GALNT14: variants seen among roughly 807,000 people sequenced by gnomAD.
GALNT14 encodes the protein polypeptide N-acetylgalactosaminyltransferase 14.
Under a neutral mutation model 77.5 loss-of-function variants are expected in GALNT14, and 60 were observed. That is an observed-to-expected ratio of 0.77 (90% CI 0.63 to 0.96). The LOEUF (loss-of-function observed/expected upper bound fraction) is 0.96, where lower values mean the gene tolerates loss of function less well. GALNT14 is among the 40% of genes least tolerant of loss of function. The pLI is 0.00. For missense variants in GALNT14, 710 were observed against 731.0 expected, an observed-to-expected ratio of 0.97 and a Z score of 0.33; for synonymous variants, 280 against 281.7, an observed-to-expected ratio of 0.99 and a Z score of 0.06.
the GALNT14 span, among the ~76,000 whole-genome samples, chr2:30,901,681 GTA>G: frequency 1.3e-5 from 2 of 151,744 alleles, no homozygotes; most frequent in Non-Finnish European, 2.9e-5. Context: ...ATATATGTGT[GTA>G]TATATATGTG....
intron 1 of GALNT14, among the ~76,000 whole-genome samples, chr2:31,013,755 TG>T (rs1671179509): frequency 1.3e-5 from 2 of 152,220 alleles, no homozygotes; most frequent in Admixed American, 1.3e-4. Flanking sequence ...ATATGAATTT[TG>T]TTCCCACATG....
the GALNT14 span, among the ~76,000 whole-genome samples, chr2:30,888,907 C>A: frequency 6.7e-6 from 1 of 150,210 alleles, no homozygotes; most frequent in Admixed American, 6.6e-5. Flanking sequence ...GTTGTATTGT[C>A]CCCCCCTCCA....
intron 1 of GALNT14, among the ~76,000 whole-genome samples, chr2:31,113,457 C>T (rs1573367058): frequency 6.6e-6 from 1 of 152,146 alleles, no homozygotes. Context: ...AGGAAGGCAA[C>T]TCCAGTCGTC....
intron 1 of GALNT14, among the ~76,000 whole-genome samples, chr2:31,091,132 G>A (rs1676716606): frequency 6.6e-6 from 1 of 152,096 alleles, no homozygotes; most frequent in African/African-American, 2.4e-5. Context: ...ACAGAATATG[G>A]ACCAGAAATC....
In GALNT14 at chr2:30,989,011, G is replaced by A. The variant is rs577448190; in HGVS notation, c.299+3827C>T. ...TGGACTCACGGGCCCCATCTCAGAC[G>A]TACTAAATCAGATTTTAACAAGATC... On this transcript the variant is annotated intron_variant, in intron 2 of 14. Transcript: ENST00000349752. 5.3e-5 allele frequency among the ~76,000 whole-genome samples: 8 copies of A among 152,254 alleles called. No homozygotes were observed. In the South Asian group the frequency reaches 1.2e-3, roughly 24 times the overall value.
At position 31,117,278 on chromosome 2, in the gene GALNT14, T is replaced by C. The variant is rs1344258231; in HGVS notation, c.129+20680A>G. Among the ~76,000 whole-genome samples, 4 of 151,888 alleles carry C rather than the reference T, an allele frequency of 2.6e-5. No individual in the cohort carries two copies. The East Asian group carries it at 7.7e-4, about 29-fold the overall frequency. On this transcript the variant is annotated intron_variant, in intron 1 of 14. Transcript: ENST00000349752. Reference sequence around the variant, plus strand: ...CTACCTGAGTAGCTCTTCAGACAAATAGAAAATCAAAATTAAAAATATAAA... The same window carrying C: ...CTACCTGAGTAGCTCTTCAGACAAACAGAAAATCAAAATTAAAAATATAAA...
chr2:31,016,281 T>G (rs1219726249), intron 1 of GALNT14, among the ~76,000 whole-genome samples: 1 of 152,184 alleles, frequency 6.6e-6, no homozygotes, highest in Non-Finnish European at 1.5e-5. Context: ...TCTGGATTTC[T>G]AATCTTCCCT....
chr2:30,918,839 AGGGAAGGTGGCATCAGGCG>A (rs1326741428), intron 13 of GALNT14, among the ~76,000 whole-genome samples: 2 of 141,476 alleles, frequency 1.4e-5, no homozygotes, highest in African/African-American at 5.4e-5. Context: ...GGCATCGGGC[AGGGAAGGTGGCATCAGGCG>A]GGGAAGGTGG....
chr2:31,114,534 C>T (rs1160360747), intron 1 of GALNT14, among the ~76,000 whole-genome samples: 1 of 152,054 alleles, frequency 6.6e-6, no homozygotes, highest in Non-Finnish European at 1.5e-5. Context: ...GCTGTAGAGA[C>T]CTAAATTAGC....
At chr2:31,035,618 TACACACAC>T (rs530565205) in intron 1 of GALNT14, among the ~76,000 whole-genome samples, 159 of 51,284 alleles carry the variant, frequency 3.1e-3, no homozygotes, top group Non-Finnish European at 4.2e-3. Context: ...CACACACACC[TACACACAC>T]ACACACACAC....
downstream of GALNT14, among the ~76,000 whole-genome samples, chr2:30,906,077 G>A (rs1215968036): frequency 1.1e-4 from 16 of 151,138 alleles, no homozygotes; most frequent in South Asian, 3.4e-3. Flanking sequence ...AACATGGAAA[G>A]GAACAACCAG....
At chr2:31,017,053 A>C (rs962394814) in intron 1 of GALNT14, among the ~76,000 whole-genome samples, 9 of 152,246 alleles carry the variant, frequency 5.9e-5, no homozygotes, top group African/African-American at 2.2e-4. Context: ...CAAGGGTCTC[A>C]AAGCTAGCTA....
chr2:30,945,729 T>C, intron 7 of GALNT14, 54 bp downstream of exon 7: 1 of 1,409,930 alleles, frequency 7.1e-7, no homozygotes, highest in East Asian at 2.3e-5. Context: ...TTAAAAGCAG[T>C]GACTGAGAGG....
intron 11 of GALNT14, among the ~76,000 whole-genome samples, chr2:30,926,367 G>A (rs1473780527): frequency 6.6e-6 from 1 of 152,154 alleles, no homozygotes; most frequent in East Asian, 1.9e-4. Flanking sequence ...TCTTCACGGG[G>A]ATGGGAAATA....
chr2:30,950,555 C>T (rs1354608859), intron 6 of GALNT14, among the ~76,000 whole-genome samples: 1 of 152,182 alleles, frequency 6.6e-6, no homozygotes, highest in African/African-American at 2.4e-5. Flanking sequence ...TGACTCACGC[C>T]CTCACCCCCT....
rs534164261 is a variant in GALNT14, at chr2:31,032,219, G to T, written c.130-39212C>A. Among the ~76,000 whole-genome samples, 9 of 152,320 alleles carry T rather than the reference G, an allele frequency of 5.9e-5. No individual in the cohort carries two copies. In the East Asian group the frequency reaches 1.7e-3, roughly 29 times the overall value. ...ACAAAACACTGATTTTTCTCCAGTG[G>T]TCCTTTGTGCCCATGATCCCTGGGG... On this transcript the variant is annotated intron_variant, in intron 1 of 14. Coordinates refer to ENST00000349752, the MANE Select transcript of GALNT14 (RefSeq NM_024572.4).
At chr2:31,012,714 GT>G (rs1441635624) in intron 1 of GALNT14, among the ~76,000 whole-genome samples, 1 of 152,070 alleles carries the variant, frequency 6.6e-6, no homozygotes, top group Non-Finnish European at 1.5e-5. Flanking sequence ...ATGCCCCTGT[GT>G]GGGTGGGGCC....
intron 1 of GALNT14, among the ~76,000 whole-genome samples, chr2:31,085,776 G>A (rs1423718101): frequency 1.3e-5 from 2 of 152,186 alleles, no homozygotes; most frequent in Non-Finnish European, 2.9e-5. Context: ...ATCACCTCCT[G>A]TATTAGTCCA....
intron 2 of GALNT14, among the ~76,000 whole-genome samples, chr2:30,983,011 T>C (rs1004297833): frequency 2.0e-5 from 3 of 152,208 alleles, no homozygotes; most frequent in African/African-American, 7.2e-5. Flanking sequence ...ACCCCCGGAA[T>C]GCAGAGTGCA....
Sources: allele counts gnomAD v4.1 joint callset (sites outside exome capture counted in the v4.1 genomes callset), GRCh38; gene constraint gnomAD v4.1.1; transcripts MANE v1.5; gene names NCBI Gene and HGNC (gene_info 2026-07-23, HGNC 2026-07-21).